Variants in DAAM1 observed in about 807,000 individuals in gnomAD.
DAAM1 encodes the protein disheveled-associated activator of morphogenesis 1.
A neutral mutation model predicts 130.0 loss-of-function variants in DAAM1; 52 were observed. The observed-to-expected ratio is 0.40, with a 90% confidence interval of 0.32 to 0.50. DAAM1 has a LOEUF of 0.50. Among genes scored for constraint, DAAM1 ranks in the 20% least tolerant of loss-of-function variants. DAAM1 has a pLI of 0.61. For missense variants in DAAM1, 1,134 were observed against 1,303.8 expected, an observed-to-expected ratio of 0.87 and a Z score of 2.01; for synonymous variants, 452 against 444.5, an observed-to-expected ratio of 1.02 and a Z score of -0.21.
At chr14:59,287,124 G>C (rs545196002) in intron 2 of DAAM1, among the ~76,000 whole-genome samples, 1 of 152,142 alleles carries the variant, frequency 6.6e-6, no homozygotes, top group East Asian at 1.9e-4. Flanking sequence ...TGCAAAGTTG[G>C]TTTAACATAT....
At chr14:59,354,062 ATTT>A (rs10713024) in intron 19 of DAAM1, 98 bp downstream of exon 19, 4,645 of 872,726 alleles carry the variant, frequency 5.3e-3, no homozygotes, top group East Asian at 9.1e-3. Flanking sequence ...CCCCTTGGTG[ATTT>A]TTTTTTTTTT....
At chr14:59,200,099 T>G (rs558888668) in intron 1 of DAAM1, among the ~76,000 whole-genome samples, 1 of 152,286 alleles carries the variant, frequency 6.6e-6, no homozygotes, top group Non-Finnish European at 1.5e-5. Context: ...ATTAGACCCT[T>G]TAGGGTCACT....
At chr14:59,313,845 C>T (rs1034421874) in intron 3 of DAAM1, among the ~76,000 whole-genome samples, 2 of 152,202 alleles carry the variant, frequency 1.3e-5, no homozygotes, top group Non-Finnish European at 2.9e-5. Flanking sequence ...CGTTGTGAAA[C>T]TATGGGAGTG....
chr14:59,235,277 C>A (rs1347803353), intron 1 of DAAM1, among the ~76,000 whole-genome samples: 1 of 152,004 alleles, frequency 6.6e-6, no homozygotes, highest in Non-Finnish European at 1.5e-5. Flanking sequence ...TGGTCCTGAG[C>A]TTTTTTTGGT....
chr14:59,215,340 T>G (rs776388895), intron 1 of DAAM1, among the ~76,000 whole-genome samples: 1 of 152,264 alleles, frequency 6.6e-6, no homozygotes, highest in Non-Finnish European at 1.5e-5. Flanking sequence ...AACATGTGCT[T>G]GGTGTATGCC....
At chr14:59,327,808 G>T (rs1885271105) in intron 12 of DAAM1, among the ~76,000 whole-genome samples, 1 of 152,152 alleles carries the variant, frequency 6.6e-6, no homozygotes, top group Non-Finnish European at 1.5e-5. Flanking sequence ...TGAGATATGT[G>T]TTACGAAACA....
intron 2 of DAAM1, 167 bp downstream of exon 2, chr14:59,263,827 A>G: frequency 2.4e-6 from 2 of 831,236 alleles, no homozygotes; most frequent in Non-Finnish European, 3.9e-6. Context: ...ACCTGTGGAG[A>G]AGGAAGAGTT....
intron 2 of DAAM1, among the ~76,000 whole-genome samples, chr14:59,290,568 A>T (rs1883700542): frequency 6.6e-6 from 1 of 152,198 alleles, no homozygotes; most frequent in Non-Finnish European, 1.5e-5. Context: ...GCAATGAGGG[A>T]GTCACTGCCT....
chr14:59,293,124 A>C (rs1244620988), intron 3 of DAAM1, among the ~76,000 whole-genome samples: 1 of 152,198 alleles, frequency 6.6e-6, no homozygotes, highest in Non-Finnish European at 1.5e-5. Context: ...ATTTTGGCTC[A>C]TCCTAGTGTA....
At chr14:59,260,200 A>G (rs1882105608) in intron 1 of DAAM1, among the ~76,000 whole-genome samples, 1 of 152,218 alleles carries the variant, frequency 6.6e-6, no homozygotes, top group Non-Finnish European at 1.5e-5. Context: ...GATATTTTTG[A>G]TAGGAACATT....
rs371946350 is a variant in DAAM1 at position 59,324,534 on chromosome 14, G to A, written c.989+80G>A. The A allele has an allele frequency of 9.3e-4, 736 of 792,474 alleles. 10 individuals carry two copies. In the African/African-American group the frequency reaches 0.012, roughly 13 times the overall value. 49.1% of individuals were successfully genotyped at this position (792,474 alleles called of 1,614,324 possible). On this transcript the variant is annotated intron_variant, in intron 8 of 24. Coordinates refer to ENST00000360909, the MANE Select transcript of DAAM1 (RefSeq NM_001270520.2). ...GCAATACCTCATCAAGTGCTGGCCT[G>A]TGGTTACTTGTGCCCTGTCTGTAAC... is the stretch of plus-strand genomic sequence containing the variant.
intron 19 of DAAM1, among the ~76,000 whole-genome samples, chr14:59,354,428 G>T (rs1219351402): frequency 6.6e-6 from 1 of 152,068 alleles, no homozygotes; most frequent in East Asian, 1.9e-4. Context: ...GATTACTTAA[G>T]GTCAGTGCTT....
At chr14:59,328,691 T>C (rs771985209) in intron 12 of DAAM1, among the ~76,000 whole-genome samples, 1 of 152,162 alleles carries the variant, frequency 6.6e-6, no homozygotes, top group Non-Finnish European at 1.5e-5. Flanking sequence ...AAAACAAATA[T>C]AAGATCATTA....
intron 1 of DAAM1, among the ~76,000 whole-genome samples, chr14:59,194,081 T>G (rs537789521): frequency 1.3e-5 from 2 of 152,224 alleles, no homozygotes; most frequent in Non-Finnish European, 2.9e-5. Context: ...ACACAGCCTG[T>G]AAGTGGCAGA....
chr14:59,362,566 C>G (rs1886749591), intron 22 of DAAM1: 1 of 151,744 alleles, frequency 6.6e-6, no homozygotes, highest in Non-Finnish European at 1.5e-5. Flanking sequence ...AGTGCCAGCT[C>G]CATAATTGAT....
At chr14:59,331,942 A>G in intron 15 of DAAM1, 22 bp downstream of exon 15, 1 of 1,596,624 alleles carries the variant, frequency 6.3e-7, no homozygotes, top group Non-Finnish European at 8.6e-7. Context: ...TGCCCTCCAG[A>G]CACCAAAAAG....
intron 1 of DAAM1, among the ~76,000 whole-genome samples, chr14:59,205,518 A>C (rs1338509236): frequency 1.3e-5 from 2 of 152,220 alleles, no homozygotes; most frequent in Admixed American, 6.5e-5. Flanking sequence ...TTCTTAAAGG[A>C]GAAAGACATT....
intron 1 of DAAM1, among the ~76,000 whole-genome samples, chr14:59,222,535 G>T (rs1029648409): frequency 2.0e-5 from 3 of 152,158 alleles, no homozygotes; most frequent in African/African-American, 4.8e-5. Context: ...GTCAGCCTTG[G>T]CGAGTTGAAG....
intron 12 of DAAM1, among the ~76,000 whole-genome samples, chr14:59,329,399 G>T (rs754630622): frequency 1.3e-5 from 2 of 152,202 alleles, no homozygotes; most frequent in African/African-American, 2.4e-5. Context: ...CAGAGTGGTA[G>T]AAGTGGATTG....
Sources: gnomAD v4.1 joint callset for allele counts (sites outside exome capture counted in the v4.1 genomes callset) on GRCh38, gnomAD v4.1.1 for gene constraint, MANE v1.5 for transcripts, NCBI Gene and HGNC (gene_info 2026-07-23, HGNC 2026-07-21) for gene names.